SLF1: variants seen among roughly 807,000 people sequenced by gnomAD.
SLF1 encodes the protein SMC5-SMC6 complex localization factor protein 1.
Under a neutral mutation model 123.0 loss-of-function variants are expected in SLF1, and 105 were observed. The ratio of observed to expected loss-of-function variants is 0.85; its 90% CI spans 0.73 to 1.00. The LOEUF (loss-of-function observed/expected upper bound fraction) is 1.00, where lower values mean the gene tolerates loss of function less well. Ranked by LOEUF, SLF1 falls within the 50% of genes least tolerant of loss-of-function variation. The pLI, the probability that SLF1 is intolerant of heterozygous loss-of-function variation, is 0.00. For missense variants in SLF1, 1,239 were observed against 1,223.0 expected, an observed-to-expected ratio of 1.01 and a Z score of -0.20; for synonymous variants, 434 against 406.6, an observed-to-expected ratio of 1.07 and a Z score of -0.81.
intron 15 of SLF1, among the ~76,000 whole-genome samples, chr5:94,682,483 G>T (rs771202992): frequency 2.0e-5 from 3 of 151,936 alleles, no homozygotes; most frequent in African/African-American, 7.3e-5. Flanking sequence ...TGAAGATATC[G>T]GTCCATCTTT....
Position 94,678,900 on chromosome 5 carries a change from T to C in SLF1, c.1920T>C (p.Asn640=), listed in dbSNP as rs1427998275. Residue 640 remains asparagine (N), a synonymous_variant, in exon 15 of 21, where the codon AAT becomes AAC. Transcript: ENST00000265140. ...TCCTTGGTCTTAAGATGGGTAGAAA[T>C]GTGATGCGACACATGTCTGATGACT... is the stretch of plus-strand genomic sequence containing the variant. ...WIFLGLKMGR[N]VMRHMSDDLG... 1 of 1,613,734 alleles carries C rather than the reference T, an allele frequency of 6.2e-7. No homozygotes were observed. Among genetic ancestry groups the C allele is most frequent in the African/African-American group, 1.3e-5 (1 of 74,926 alleles).
intron 5 of SLF1, 146 bp downstream of exon 5, chr5:94,643,581 G>T: frequency 3.6e-6 from 2 of 554,804 alleles, no homozygotes; most frequent in Non-Finnish European, 5.8e-6. Flanking sequence ...TAAAGGCAGT[G>T]GCTCTCAATT....
intron 4 of SLF1, among the ~76,000 whole-genome samples, chr5:94,635,753 G>A (rs1418499728): frequency 2.0e-5 from 3 of 151,844 alleles, no homozygotes; most frequent in Non-Finnish European, 4.4e-5. Flanking sequence ...TTTCTAATTT[G>A]TATCCCCTGA....
At chr5:94,627,151 A>C (rs1744535479) in intron 1 of SLF1, among the ~76,000 whole-genome samples, 1 of 152,192 alleles carries the variant, frequency 6.6e-6, no homozygotes, top group Admixed American at 6.5e-5. Flanking sequence ...TCAAATCGTC[A>C]CAGTTTTTAA....
Position 94,697,387 on chromosome 5 carries a change from A to T in SLF1, c.*2075A>T, listed in dbSNP as rs946257468. On this transcript the variant is annotated 3_prime_UTR_variant, in exon 21 of 21. Transcript: ENST00000265140. Reference sequence around the variant, plus strand: ...GAATAATTGCCCAAATCTATCTTGGAGGTATAGGAAGAAGAAATTCTCAAT... The same window carrying T: ...GAATAATTGCCCAAATCTATCTTGGTGGTATAGGAAGAAGAAATTCTCAAT... 4.0e-5 allele frequency: 6 copies of T among 151,888 alleles called. No homozygotes were observed. The highest frequency in any genetic ancestry group is 7.2e-5 in the African/African-American group (3 of 41,406). The allele number at this position is 151,888 out of a possible 1,614,324, so 9.4% of individuals were successfully genotyped here.
rs1194622093 is a variant in SLF1 at position 94,689,357 on chromosome 5, A to ATTAC, written c.2286-115_2286-114insTACT. 25 of 1,025,138 alleles carry ATTAC rather than the reference A, an allele frequency of 2.4e-5. No homozygotes were observed. The African/African-American group carries it at 4.1e-4, about 17-fold the overall frequency. The allele number at this position is 1,025,138 out of a possible 1,614,324, so 63.5% of individuals were successfully genotyped here. ...AAAATTAGAAAGCAGTAAAGATTGA[A>ATTAC]TGAGTAAGGGAGTTTAAATTAAAAG... On this transcript the variant is annotated intron_variant, in intron 17 of 20. Coordinates refer to ENST00000265140, the MANE Select transcript of SLF1 (RefSeq NM_032290.4).
chr5:94,672,940 G>T (rs773716226), intron 14 of SLF1, among the ~76,000 whole-genome samples: 23 of 152,172 alleles, frequency 1.5e-4, no homozygotes, highest in Admixed American at 7.2e-4. Context: ...CCCCCAGAAA[G>T]AATTTCTGTT....
intron 9 of SLF1, among the ~76,000 whole-genome samples, chr5:94,658,898 GCTCT>G (rs1473664580): frequency 2.1e-5 from 3 of 144,252 alleles, no homozygotes; most frequent in Admixed American, 1.4e-4. Flanking sequence ...TATTGCTGAA[GCTCT>G]CTGTTATATA....
At position 94,641,276 on chromosome 5, in the gene SLF1, TATC is replaced by T. The variant is rs748584634; in HGVS notation, c.432-1994_432-1992del. ...GCCTTTAAGAAGGGATTAATGCCAT[TATC>T]ATGGGACTGGCTTGGTTATAAAAGT... On this transcript the variant is annotated intron_variant, in intron 4 of 20. Transcript: ENST00000265140. 7.5e-4 allele frequency among the ~76,000 whole-genome samples: 112 copies of T among 149,426 alleles called. 2 individuals are homozygous for T. Among genetic ancestry groups the T allele is most frequent in the Non-Finnish European group, 1.3e-3 (89 of 67,444 alleles).
At chr5:94,694,695 A>G in intron 20 of SLF1, 136 bp from the exon 21 acceptor site, 1 of 1,134,518 alleles carries the variant, frequency 8.8e-7, no homozygotes. Flanking sequence ...TAGTCAGTTA[A>G]TTGTGTCGAC....
At chr5:94,678,046 G>A (rs1319414770) in intron 14 of SLF1, among the ~76,000 whole-genome samples, 5 of 151,788 alleles carry the variant, frequency 3.3e-5, no homozygotes, top group Admixed American at 2.6e-4. Context: ...TCAGCCTCCC[G>A]AGTAGCTGGG....
At chr5:94,685,512 T>C (rs143056275) in intron 15 of SLF1, among the ~76,000 whole-genome samples, 105 of 152,280 alleles carry the variant, frequency 6.9e-4, no homozygotes, top group East Asian at 4.6e-3. Flanking sequence ...TTATGTTACA[T>C]AGAGAATATT....
chr5:94,685,601 A>T (rs1406983078), intron 15 of SLF1, among the ~76,000 whole-genome samples: 1 of 151,946 alleles, frequency 6.6e-6, no homozygotes, highest in Non-Finnish European at 1.5e-5. Flanking sequence ...ATATTTATGC[A>T]TTTTCTTCTT....
At chr5:94,636,657 T>C in intron 4 of SLF1, among the ~76,000 whole-genome samples, 1 of 151,880 alleles carries the variant, frequency 6.6e-6, no homozygotes, top group Admixed American at 6.6e-5. Context: ...TGTTCATGTA[T>C]TGTTTTCCAT....
chr5:94,656,773 A>G (rs1180396014), intron 9 of SLF1, among the ~76,000 whole-genome samples: 1 of 151,718 alleles, frequency 6.6e-6, no homozygotes, highest in East Asian at 1.9e-4. Flanking sequence ...TGTATAGTTC[A>G]TAATAGTCTC....
chr5:94,618,925 C>T (rs1791296954), intron 1 of SLF1, among the ~76,000 whole-genome samples, 160 bp downstream of exon 1: 1 of 152,216 alleles, frequency 6.6e-6, no homozygotes, highest in African/African-American at 2.4e-5. Flanking sequence ...CTTTCTCCAG[C>T]TGCAGTTCGT....
At chr5:94,626,365 TAA>T (rs1332692328) in intron 1 of SLF1, among the ~76,000 whole-genome samples, 6 of 152,316 alleles carry the variant, frequency 3.9e-5, no homozygotes, top group South Asian at 2.1e-4. Flanking sequence ...TAATTTTTCA[TAA>T]GAGACCAATC....
intron 10 of SLF1, 92 bp downstream of exon 10, chr5:94,662,443 TGCAC>T (rs1303796919): frequency 9.2e-6 from 10 of 1,090,472 alleles, no homozygotes; most frequent in Non-Finnish European, 1.3e-5. Flanking sequence ...ATGTGTTGTA[TGCAC>T]AATAAAAGGT....
chr5:94,636,962 C>T (rs1745877840), intron 4 of SLF1, among the ~76,000 whole-genome samples: 1 of 152,106 alleles, frequency 6.6e-6, no homozygotes, highest in South Asian at 2.1e-4. Context: ...TTAAGTGATC[C>T]ACCTACCTTG....
Sources: allele counts gnomAD v4.1 joint callset (sites outside exome capture counted in the v4.1 genomes callset), GRCh38; gene constraint gnomAD v4.1.1; transcripts MANE v1.5; gene names NCBI Gene and HGNC (gene_info 2026-07-23, HGNC 2026-07-21).